The following LRP1B variants were observed in gnomAD, a reference collection of about 807,000 sequenced individuals.
LRP1B encodes the protein LDL receptor related protein 1B, also known as low-density lipoprotein receptor-related protein 1B.
LRP1B carries 217 observed loss-of-function variants against 556.6 expected under a neutral mutation model. The ratio of observed to expected loss-of-function variants is 0.39; its 90% CI spans 0.35 to 0.44. LRP1B has a LOEUF of 0.44. Among genes scored for constraint, LRP1B ranks in the 20% least tolerant of loss-of-function variants. The pLI is 1.00. For missense variants in LRP1B, 5,053 were observed against 5,620.8 expected (o/e 0.90, Z 3.23); for synonymous variants, 2,047 against 1,865.8 (o/e 1.10, Z -2.50).
At chr2:140,803,272 T>G (rs1559128386) in intron 32 of LRP1B, among the ~76,000 whole-genome samples, 2 of 132,480 alleles carry the variant, frequency 1.5e-5, no homozygotes, top group African/African-American at 6.1e-5. Flanking sequence ...TTTTTTTTTT[T>G]TTTTTTTTTT....
Position 141,779,118 on chromosome 2 carries a change from A to G in LRP1B, c.205+31161T>C, listed in dbSNP as rs1574350372. Among the ~76,000 whole-genome samples, 3 of 152,128 alleles carry G rather than the reference A, an allele frequency of 2.0e-5. No individual in the cohort carries two copies. The East Asian group carries it at 5.8e-4, about 29-fold the overall frequency. On this transcript the variant is annotated intron_variant, in intron 2 of 90. Transcript: ENST00000389484. ...AGAGAAAATTGAATTCAGAGAGGTT[A>G]TATAACACGTTGAAAGCCAAATCAC...
At chr2:140,662,070 AG>A (rs1189683605) in intron 41 of LRP1B, among the ~76,000 whole-genome samples, 2 of 152,084 alleles carry the variant, frequency 1.3e-5, no homozygotes, top group Admixed American at 1.3e-4. Flanking sequence ...GGAAATATTT[AG>A]ATTAGTATAA....
intron 32 of LRP1B, among the ~76,000 whole-genome samples, chr2:140,778,474 G>T (rs1689575643): frequency 6.6e-6 from 1 of 152,028 alleles, no homozygotes; most frequent in Non-Finnish European, 1.5e-5. Flanking sequence ...GAGATTTCTG[G>T]AAATATTCAT....
intron 20 of LRP1B, among the ~76,000 whole-genome samples, chr2:140,926,056 CTTTT>C (rs70991119): frequency 1.2e-5 from 1 of 86,016 alleles, no homozygotes; most frequent in Non-Finnish European, 2.9e-5. Flanking sequence ...TGGAGATTTT[CTTTT>C]TTTTTTTTTT....
intron 2 of LRP1B, among the ~76,000 whole-genome samples, chr2:141,782,022 A>G (rs1695271473): frequency 6.6e-6 from 1 of 152,118 alleles, no homozygotes; most frequent in South Asian, 2.1e-4. Context: ...GACCTATTTT[A>G]CCATACAAAA....
chr2:141,977,905 T>C (rs970197348), intron 1 of LRP1B, among the ~76,000 whole-genome samples: 10 of 152,200 alleles, frequency 6.6e-5, no homozygotes, highest in African/African-American at 1.9e-4. Context: ...ATTCCTATTA[T>C]TCTTATTGCA....
chr2:140,518,473 G>T (rs751535345), intron 49 of LRP1B, among the ~76,000 whole-genome samples: 2 of 152,026 alleles, frequency 1.3e-5, no homozygotes, highest in Non-Finnish European at 2.9e-5. Flanking sequence ...TCACAAAAAA[G>T]AAAAATAAAA....
At chr2:141,198,484 T>C (rs1574182850) in intron 6 of LRP1B, among the ~76,000 whole-genome samples, 1 of 152,130 alleles carries the variant, frequency 6.6e-6, no homozygotes, top group Non-Finnish European at 1.5e-5. Context: ...AAGCTCTACA[T>C]AGAACCTGTG....
chr2:140,901,278 C>G (rs1200304748), intron 23 of LRP1B, among the ~76,000 whole-genome samples: 5 of 152,166 alleles, frequency 3.3e-5, no homozygotes, highest in African/African-American at 1.2e-4. Flanking sequence ...CCCTCCAGCA[C>G]CACCATATAA....
chr2:140,715,910 T>A (rs1302656559), intron 37 of LRP1B, 63 bp downstream of exon 37: 2 of 1,352,736 alleles, frequency 1.5e-6, no homozygotes, highest in Non-Finnish European at 2.0e-6. Flanking sequence ...AATTAGTTTT[T>A]TTTCAATAGA....
At chr2:141,859,849 T>C (rs1255600369) in intron 1 of LRP1B, among the ~76,000 whole-genome samples, 1 of 152,150 alleles carries the variant, frequency 6.6e-6, no homozygotes, top group Non-Finnish European at 1.5e-5. Context: ...TGACAGGTAT[T>C]TTGTGTGATT....
chr2:141,043,810 T>C (rs1698779540), intron 11 of LRP1B, among the ~76,000 whole-genome samples: 1 of 151,946 alleles, frequency 6.6e-6, no homozygotes, highest in East Asian at 1.9e-4. Flanking sequence ...CAATGAAAAA[T>C]AAATCTTGGA....
At chr2:141,607,521 A>T (rs1687960398) in intron 2 of LRP1B, among the ~76,000 whole-genome samples, 1 of 152,070 alleles carries the variant, frequency 6.6e-6, no homozygotes, top group South Asian at 2.1e-4. Flanking sequence ...TCTTATTTTC[A>T]CTGTAAGTTG....
intron 1 of LRP1B, among the ~76,000 whole-genome samples, chr2:141,854,511 G>A (rs535126677): frequency 3.9e-5 from 6 of 151,950 alleles, no homozygotes; most frequent in Non-Finnish European, 8.8e-5. Flanking sequence ...CTAAACGCAG[G>A]CACATCATAA....
Position 141,037,861 on chromosome 2 carries a change from C to A in LRP1B, c.1789+11125G>T, listed in dbSNP as rs529034192. Among the ~76,000 whole-genome samples the A allele has an allele frequency of 1.2e-4, 18 of 151,804 alleles. No individual in the cohort carries two copies. In the South Asian group the frequency reaches 3.5e-3, roughly 30 times the overall value. ...CAAAAACCTTGCAAGCACAGACACA[C>A]ACAGACACATGCGCACGTGCATGTA... On this transcript the variant is annotated intron_variant, in intron 11 of 90. Transcript: ENST00000389484.
At chr2:140,729,925 ACCTATCAGAGCTGC>A (rs1386419953) in intron 35 of LRP1B, among the ~76,000 whole-genome samples, 5 of 152,166 alleles carry the variant, frequency 3.3e-5, no homozygotes, top group Non-Finnish European at 7.4e-5. Flanking sequence ...CACTAAATGA[ACCTATCAGAGCTGC>A]CCTCAATCTT....
At chr2:141,844,433 G>A (rs539140461) in intron 1 of LRP1B, among the ~76,000 whole-genome samples, 77 of 152,142 alleles carry the variant, frequency 5.1e-4, no homozygotes, top group African/African-American at 1.8e-3. Context: ...TAACTTTGTT[G>A]CATAACTATC....
intron 31 of LRP1B, among the ~76,000 whole-genome samples, chr2:140,827,632 C>T (rs192143977): frequency 1.5e-3 from 234 of 151,848 alleles, no homozygotes; most frequent in African/African-American, 4.6e-3. Context: ...GGAATAACCT[C>T]AAAAGTGTAA....
chr2:141,348,083 A>G lies in LRP1B; in HGVS notation c.344-93442T>C, dbSNP rs529633884. The stretch of plus-strand genomic sequence containing the variant: ...TAACTAAAATGGTCACATACATCTT[A>G]TAGTGCTCTTCACACTTAGTGTCAT... On this transcript the variant is annotated intron_variant, in intron 3 of 90. Coordinates refer to ENST00000389484, the MANE Select transcript of LRP1B (RefSeq NM_018557.3). Among the ~76,000 whole-genome samples, 9 of 152,230 alleles carry G rather than the reference A, an allele frequency of 5.9e-5. 1 individual carries two copies. Among genetic ancestry groups the G allele is most frequent in the African/African-American group, 2.2e-4 (9 of 41,526 alleles).
Sources: gnomAD v4.1 joint callset for allele counts (sites outside exome capture counted in the v4.1 genomes callset) on GRCh38, gnomAD v4.1.1 for gene constraint, MANE v1.5 for transcripts, NCBI Gene and HGNC (gene_info 2026-07-23, HGNC 2026-07-21) for gene names.